AHNAK: variants seen among roughly 807,000 people sequenced by gnomAD.
The protein encoded by AHNAK is AHNAK nucleoprotein, also known as neuroblast differentiation-associated protein AHNAK.
A neutral mutation model predicts 37.8 loss-of-function variants in AHNAK; 23 were observed. The ratio of observed to expected loss-of-function variants is 0.61; its 90% CI spans 0.44 to 0.86. The LOEUF is 0.86. Among genes scored for constraint, AHNAK ranks in the 40% least tolerant of loss-of-function variants. The pLI, the probability that AHNAK is intolerant of heterozygous loss-of-function variation, is 0.00. For missense variants in AHNAK, 7,411 were observed against 7,319.4 expected (o/e 1.01, Z -0.46); for synonymous variants, 2,481 against 2,636.3 (o/e 0.94, Z 1.80).
At chr11:62,438,003 C>A (rs1376544876) in intron 5 of AHNAK, among the ~76,000 whole-genome samples, 1 of 151,582 alleles carries the variant, frequency 6.6e-6, no homozygotes, top group Admixed American at 6.6e-5. Context: ...CTCAAATGAT[C>A]CTCCCACCTC....
intron 5 of AHNAK, among the ~76,000 whole-genome samples, chr11:62,489,014 G>T (rs1939449437): frequency 6.6e-6 from 1 of 152,064 alleles, no homozygotes; most frequent in African/African-American, 2.4e-5. Context: ...GCCCAGGCGG[G>T]TGGATCACAA....
chr11:62,479,204 G>A (rs1161026060), intron 5 of AHNAK, among the ~76,000 whole-genome samples: 1 of 61,654 alleles, frequency 1.6e-5, no homozygotes, highest in Non-Finnish European at 3.0e-5. Flanking sequence ...TTTCCCTCTT[G>A]TTACCCAGGT....
At chr11:62,439,722 T>C (rs1231237794) in intron 5 of AHNAK, among the ~76,000 whole-genome samples, 3 of 145,434 alleles carry the variant, frequency 2.1e-5, no homozygotes, top group South Asian at 2.3e-4. Flanking sequence ...GGCTGGAGTG[T>C]AGTGGCGCGA....
chr11:62,454,945 T>C (rs1938625660), intron 5 of AHNAK, among the ~76,000 whole-genome samples: 1 of 146,184 alleles, frequency 6.8e-6, no homozygotes, highest in Non-Finnish European at 1.5e-5. Context: ...TTTTTTTTTT[T>C]TGAGATGGAG....
Position 62,535,182 on chromosome 11 carries a change from T to C in AHNAK, c.163A>G (p.Ile55Val). The C allele has an allele frequency of 6.2e-7, 1 of 1,609,652 alleles. No homozygotes were observed. The highest frequency in any genetic ancestry group is 8.5e-7 in the Non-Finnish European group (1 of 1,176,284). The change falls in exon 4 of 5, where the codon ATT (isoleucine) becomes GTT (valine). Residue 55 changes from isoleucine to valine, a missense_variant. Physicochemically the swap from Ile to Val is conservative, Grantham distance 29 (BLOSUM62 3). Transcript: ENST00000378024. ...TCAAAGTAGATGGTGGCACCCACAA[T>C]CTGGTCCCCTGAGCAGGGAAGAGCA... Reference protein sequence around the residue: ...RTGVVKEGDQIVGATIYFDNL... With the variant: ...RTGVVKEGDQVVGATIYFDNL...
rs1473362978 is a variant in AHNAK at position 62,524,304 on chromosome 11, G to C, written c.10113C>G (p.Val3371=). 6.2e-7 allele frequency: 1 copy of C among 1,613,596 alleles called. No homozygotes were observed. Among genetic ancestry groups the C allele is most frequent in the Non-Finnish European group, 8.5e-7 (1 of 1,179,966 alleles). The change falls in exon 5 of 5, where the codon GTC becomes GTG. Residue 3371 remains valine, a synonymous_variant. Coordinates refer to ENST00000378024, the MANE Select transcript of AHNAK (RefSeq NM_001620.3). ...GSKVQTPEVD[V]KGKKPDIDIT... ...TGTCAATATCTGGCTTTTTACCTTT[G>C]ACATCCACTTCAGGTGTCTGAACTT...
intron 5 of AHNAK, among the ~76,000 whole-genome samples, chr11:62,442,152 G>A (rs778512287): frequency 3.9e-5 from 6 of 152,272 alleles, no homozygotes; most frequent in Non-Finnish European, 5.9e-5. Context: ...TAACAGTTCC[G>A]TCTGTACTTA....
intron 4 of AHNAK, among the ~76,000 whole-genome samples, chr11:62,502,177 A>G (rs943278949): frequency 6.6e-6 from 1 of 152,016 alleles, no homozygotes; most frequent in African/African-American, 2.4e-5. Context: ...AGAGTCTCCA[A>G]GCTTTTCCTC....
In AHNAK at chr11:62,477,813, A is replaced by C. The variant is rs1939183060; in HGVS notation, c.442+13919T>G. Among the ~76,000 whole-genome samples, 2 of 151,994 alleles carry C rather than the reference A, an allele frequency of 1.3e-5. 1 individual carries two copies. The highest frequency in any genetic ancestry group is 4.1e-4 in the South Asian group (2 of 4,820). On this transcript the variant is annotated intron_variant, in intron 5 of 5. Transcript: ENST00000257247. ...TGAAACTCCATCTCAAAAAAAAAAA[A>C]AAGTTATAAAAAGCAGGGGGATCCC...
intron 5 of AHNAK, among the ~76,000 whole-genome samples, chr11:62,446,519 G>A (rs1308280126): frequency 6.6e-6 from 1 of 152,186 alleles, no homozygotes. Context: ...GTGGACTGGG[G>A]TTTTCTAAAG....
At chr11:62,457,787 A>G (rs1041632286) in intron 5 of AHNAK, among the ~76,000 whole-genome samples, 2 of 152,178 alleles carry the variant, frequency 1.3e-5, no homozygotes, top group African/African-American at 4.8e-5. Flanking sequence ...CAGAGAGAGG[A>G]GGGAGGAATG....
At chr11:62,476,610 G>A (rs766827595) in intron 5 of AHNAK, among the ~76,000 whole-genome samples, 2 of 152,134 alleles carry the variant, frequency 1.3e-5, no homozygotes, top group African/African-American at 4.8e-5. Flanking sequence ...GGTGCCTCAT[G>A]AGCTGAGCAA....
intron 5 of AHNAK, among the ~76,000 whole-genome samples, chr11:62,489,385 G>A (rs902184839): frequency 6.6e-6 from 1 of 152,132 alleles, no homozygotes. Flanking sequence ...TGGGTGCTGA[G>A]CCAAGGATGT....
At chr11:62,457,029 G>A (rs1447877853) in intron 5 of AHNAK, among the ~76,000 whole-genome samples, 1 of 152,150 alleles carries the variant, frequency 6.6e-6, no homozygotes. Context: ...GGATGGGCAC[G>A]GTGGCTTATG....
Position 62,533,239 on chromosome 11 carries a change from C to G in AHNAK, c.1178G>C (p.Gly393Ala), listed in dbSNP as rs116379346. The change falls in exon 5 of 5, where the codon GGG (glycine) becomes GCG (alanine). Residue 393 changes from glycine (G) to alanine (A), a missense_variant. By Grantham distance (60) the Gly-to-Ala change is moderately conservative. Transcript: ENST00000378024. ...AGCAGAGGCATCCACCCCAATGTGC[C>G]CCTGTGGCTTGGCACCTTTCAGGCC... is the stretch of plus-strand genomic sequence containing the variant. ...DLGLKGAKPQ[G>A]HIGVDASAPQ... The G allele has an allele frequency of 6.6e-7, 1 of 1,525,862 alleles. No homozygotes were observed. Among genetic ancestry groups the G allele is most frequent in the African/African-American group, 1.4e-5 (1 of 71,846 alleles). 94.5% of individuals were successfully genotyped at this position (1,525,862 alleles called of 1,614,324 possible). A position where few individuals can be genotyped will look rare whatever the true frequency, so the allele number is the denominator to read the frequency against.
chr11:62,480,152 G>A (rs572258584), intron 5 of AHNAK, among the ~76,000 whole-genome samples: 1 of 152,330 alleles, frequency 6.6e-6, no homozygotes, highest in East Asian at 1.9e-4. Context: ...GGAGCAGGCT[G>A]GACCCAGTGG....
At chr11:62,486,863 C>T (rs1939406457) in intron 5 of AHNAK, among the ~76,000 whole-genome samples, 1 of 151,650 alleles carries the variant, frequency 6.6e-6, no homozygotes, top group Non-Finnish European at 1.5e-5. Flanking sequence ...TGAAAAATTA[C>T]CCTAGAGTTT....
At chr11:62,541,356 G>A (rs11826949) in intron 1 of AHNAK, among the ~76,000 whole-genome samples, 5,699 of 152,250 alleles carry the variant, frequency 0.037, 371 homozygotes, top group African/African-American at 0.13. Context: ...ATGGCAGCAC[G>A]CACATAGGCC....
intron 5 of AHNAK, among the ~76,000 whole-genome samples, chr11:62,451,531 A>G (rs1444039147): frequency 6.6e-6 from 1 of 152,108 alleles, no homozygotes; most frequent in Non-Finnish European, 1.5e-5. Flanking sequence ...TGAGGTCAGG[A>G]GTTCAAGACC....
Sources: gnomAD v4.1 joint callset for allele counts (sites outside exome capture counted in the v4.1 genomes callset) on GRCh38, gnomAD v4.1.1 for gene constraint, MANE v1.5 for transcripts, NCBI Gene and HGNC (gene_info 2026-07-23, HGNC 2026-07-21) for gene names.